Variants in ZC3H3 observed in about 807,000 individuals in gnomAD.
The protein encoded by ZC3H3 is zinc finger CCCH domain-containing protein 3.
In ZC3H3, 36 loss-of-function variants were observed where a neutral mutation model predicts 77.3. That is an observed-to-expected ratio of 0.47 (90% CI 0.36 to 0.61). The LOEUF (loss-of-function observed/expected upper bound fraction) is 0.61. Ranked by LOEUF, ZC3H3 falls within the 20% of genes least tolerant of loss-of-function variation. The pLI is 0.00. For synonymous variants in ZC3H3, 626 were observed against 555.2 expected, an observed-to-expected ratio of 1.13 and a Z score of -1.79; for missense variants, 1,331 against 1,312.2, an observed-to-expected ratio of 1.01 and a Z score of -0.22.
At chr8:143,483,099 T>C (rs1262880541) in intron 4 of ZC3H3, among the ~76,000 whole-genome samples, 1 of 152,140 alleles carries the variant, frequency 6.6e-6, no homozygotes. Context: ...TTTTCGAAGC[T>C]TGGAGCCCGA....
At position 143,466,151 on chromosome 8, in the gene ZC3H3, T is replaced by C. The variant is rs1028337179; in HGVS notation, c.2176-303A>G. On this transcript the variant is annotated intron_variant, in intron 8 of 11. Transcript: ENST00000262577. Reference sequence around the variant, plus strand: ...CTGAGTCCCTCACCTGTTCTGAGCCTGCCCACCGTCCAGGGCAAGATGGCA... The same window carrying C: ...CTGAGTCCCTCACCTGTTCTGAGCCCGCCCACCGTCCAGGGCAAGATGGCA... Among the ~76,000 whole-genome samples, 7 of 152,298 alleles carry C rather than the reference T, an allele frequency of 4.6e-5. No homozygotes were observed. In the South Asian group the frequency reaches 8.3e-4, roughly 18 times the overall value.
At chr8:143,520,064 G>A (rs1182678243) in intron 3 of ZC3H3, among the ~76,000 whole-genome samples, 2 of 152,226 alleles carry the variant, frequency 1.3e-5, no homozygotes, top group East Asian at 3.8e-4. Flanking sequence ...GAACTGGGTG[G>A]GCTTCTTCGG....
chr8:143,489,507 G>A (rs1001248913), intron 4 of ZC3H3, among the ~76,000 whole-genome samples: 5 of 152,138 alleles, frequency 3.3e-5, no homozygotes, highest in African/African-American at 9.7e-5. Flanking sequence ...CAGGGGAGAG[G>A]GGCCAGGGGA....
intron 4 of ZC3H3, among the ~76,000 whole-genome samples, chr8:143,489,908 G>T (rs1821155045): frequency 6.6e-6 from 1 of 152,166 alleles, no homozygotes; most frequent in East Asian, 1.9e-4. Flanking sequence ...TTGCAGGAAA[G>T]TCAGGAAAGT....
chr8:143,466,739 AG>A (rs1288078389), intron 8 of ZC3H3, among the ~76,000 whole-genome samples: 1 of 152,118 alleles, frequency 6.6e-6, no homozygotes, highest in Non-Finnish European at 1.5e-5. Flanking sequence ...CCAGCACCCC[AG>A]GGTCTCCAGT....
At position 143,524,069 on chromosome 8, in the gene ZC3H3, G is replaced by A. The variant is rs1210143842; in HGVS notation, c.1561+12188C>T. On this transcript the variant is annotated intron_variant, in intron 3 of 11. Transcript: ENST00000262577. Reference sequence around the variant, plus strand: ...GTTCCCAGGTGGCCCCGTCTCTCCCGGGCAGCCTCCCCAGCCCCTAATGGG... The same window carrying A: ...GTTCCCAGGTGGCCCCGTCTCTCCCAGGCAGCCTCCCCAGCCCCTAATGGG... Among the ~76,000 whole-genome samples the A allele has an allele frequency of 2.6e-5, 4 of 152,352 alleles. No homozygotes were observed. The East Asian group carries it at 7.7e-4, about 29-fold the overall frequency.
chr8:143,538,476 C>A lies in ZC3H3; in HGVS notation c.891G>T (p.Leu297=). 1.9e-6 allele frequency: 3 copies of A among 1,613,036 alleles called. No individual in the cohort carries two copies. The highest frequency in any genetic ancestry group is 2.5e-6 in the Non-Finnish European group (3 of 1,180,040). ...SGPRQAREAS[L]VVTCRTNKFR... ...ACTTGTTAGTTCGACAGGTCACAAC[C>A]AGCGAGGCCTCCCGGGCCTGCCTGG... is the stretch of plus-strand genomic sequence containing the variant. Residue 297 remains leucine (L), a synonymous_variant, in exon 2 of 12, where the codon CTG becomes CTT. Transcript: ENST00000262577.
rs190916158 is a variant in ZC3H3, at chr8:143,494,990, C to T, written c.1715+12756G>A. Among the ~76,000 whole-genome samples, 2 of 152,302 alleles carry T rather than the reference C, an allele frequency of 1.3e-5. No homozygotes were observed. Among genetic ancestry groups the T allele is most frequent in the African/African-American group, 4.8e-5 (2 of 41,560 alleles). On this transcript the variant is annotated intron_variant, in intron 4 of 11. Transcript: ENST00000262577. This position sits in a 1 kb window ranked among gnomAD's most constrained non-coding sequence, Gnocchi z 5.3. ...GCAGATTAGAAAGGCGGTAACACCACGTCTGAGGGGAACAGAAAGGGTCGC... is the reference window on the plus strand; with the variant it reads ...GCAGATTAGAAAGGCGGTAACACCATGTCTGAGGGGAACAGAAAGGGTCGC...
chr8:143,492,053 G>A (rs1184748318), intron 4 of ZC3H3, among the ~76,000 whole-genome samples: 1 of 152,220 alleles, frequency 6.6e-6, no homozygotes, highest in African/African-American at 2.4e-5. Flanking sequence ...CAGAAAGAGG[G>A]CACACTACAG....
chr8:143,448,687 C>T (rs13280062), intron 9 of ZC3H3, among the ~76,000 whole-genome samples: 56,306 of 152,084 alleles, frequency 0.37, 10,699 homozygotes, highest in Middle Eastern at 0.45. Flanking sequence ...TGCAAGCTGT[C>T]GGTGGATCTA....
Position 143,440,918 on chromosome 8 carries a change from TG to T in ZC3H3, c.2492+17del. The stretch of plus-strand genomic sequence containing the variant: ...GGGCCACCCAGGCTCACATGCACAG[TG>T]CCCACTGCCCCATCACCTGGGCCCG... On this transcript the variant is annotated intron_variant, in intron 10 of 11. Transcript: ENST00000262577. 2 of 1,411,262 alleles carry T rather than the reference TG, an allele frequency of 1.4e-6. No individual in the cohort carries two copies. 87.4% of individuals were successfully genotyped at this position (1,411,262 alleles called of 1,614,324 possible). A position where few individuals can be genotyped will look rare whatever the true frequency, so the allele number is the denominator to read the frequency against.
At chr8:143,488,740 A>G (rs1246578821) in intron 4 of ZC3H3, among the ~76,000 whole-genome samples, 1 of 152,190 alleles carries the variant, frequency 6.6e-6, no homozygotes, top group African/African-American at 2.4e-5. Flanking sequence ...GGCAGATTTA[A>G]GTGCACAGAA....
At chr8:143,508,991 G>A (rs532767862) in intron 3 of ZC3H3, among the ~76,000 whole-genome samples, 1 of 152,218 alleles carries the variant, frequency 6.6e-6, no homozygotes, top group African/African-American at 2.4e-5. Context: ...CCTTGAGGCC[G>A]AGCTTCTAGC....
At chr8:143,450,505 A>G (rs932467048) in intron 9 of ZC3H3, among the ~76,000 whole-genome samples, 1 of 152,166 alleles carries the variant, frequency 6.6e-6, no homozygotes, top group Non-Finnish European at 1.5e-5. Flanking sequence ...TATGAAGATA[A>G]GAGGTTTAAT....
At chr8:143,510,907 C>A (rs965514120) in intron 3 of ZC3H3, among the ~76,000 whole-genome samples, 1 of 152,206 alleles carries the variant, frequency 6.6e-6, no homozygotes, top group African/African-American at 2.4e-5. Flanking sequence ...GCCGGCGATG[C>A]CCCGGCCCGC....
chr8:143,479,890 G>A (rs1474645967), intron 4 of ZC3H3, among the ~76,000 whole-genome samples: 1 of 152,234 alleles, frequency 6.6e-6, no homozygotes, highest in African/African-American at 2.4e-5. Flanking sequence ...AAAAGCAGGT[G>A]TATGAAGAAG....
At chr8:143,527,137 A>G (rs954463911) in intron 3 of ZC3H3, among the ~76,000 whole-genome samples, 1 of 152,206 alleles carries the variant, frequency 6.6e-6, no homozygotes, top group African/African-American at 2.4e-5. Flanking sequence ...AGGTGGTGAC[A>G]GAGCCTGTGT....
chr8:143,461,505 G>A (rs1820260960), intron 9 of ZC3H3, among the ~76,000 whole-genome samples: 1 of 152,268 alleles, frequency 6.6e-6, no homozygotes, highest in East Asian at 1.9e-4. Context: ...TCCACTCCTA[G>A]GTGTCTACCC....
At position 143,460,956 on chromosome 8, in the gene ZC3H3, G is replaced by A. The variant is rs1327915312; in HGVS notation, c.2307+4761C>T. On this transcript the variant is annotated intron_variant, in intron 9 of 11. Transcript: ENST00000262577. This position sits in a 1 kb window ranked among gnomAD's most constrained non-coding sequence, Gnocchi z 4.0. Reference sequence around the variant, plus strand: ...TAGGTGTCTAACTAGGGTTTGGGAAGCGGGGAGTGGAGAGTCATTGCTGAA... The same window carrying A: ...TAGGTGTCTAACTAGGGTTTGGGAAACGGGGAGTGGAGAGTCATTGCTGAA... 6.6e-6 allele frequency among the ~76,000 whole-genome samples: 1 copy of A among 152,212 alleles called. No homozygotes were observed. The highest frequency in any genetic ancestry group is 1.5e-5 in the Non-Finnish European group (1 of 68,044).
Sources: gnomAD v4.1 joint callset for allele counts (sites outside exome capture counted in the v4.1 genomes callset) on GRCh38, gnomAD v4.1.1 for gene constraint, Gnocchi (gnomAD v3.1) non-coding constraint, MANE v1.5 for transcripts, NCBI Gene and HGNC (gene_info 2026-07-23, HGNC 2026-07-21) for gene names.